The following KIR2DL1 variants were observed in gnomAD, a reference collection of about 807,000 sequenced individuals.
The protein encoded by KIR2DL1 is killer cell immunoglobulin-like receptor 2DL1.
In KIR2DL1, 38 loss-of-function variants were observed where a neutral mutation model predicts 33.9. The observed-to-expected ratio is 1.12, with a 90% CI of 0.86 to 1.47. The LOEUF (loss-of-function observed/expected upper bound fraction) is 1.47. Among genes scored for constraint, KIR2DL1 ranks in the 40% most tolerant of loss-of-function variants. The pLI, the probability that KIR2DL1 is intolerant of heterozygous loss-of-function variation, is 0.00. For synonymous variants in KIR2DL1, 179 were observed against 165.9 expected (o/e 1.08, Z -0.61); for missense variants, 531 against 433.9 (o/e 1.22, Z -1.99).
intron 2 of KIR2DL1, among the ~76,000 whole-genome samples, 182 bp downstream of exon 2, chr19:54,771,066 T>G (rs1440278329): frequency 2.0e-5 from 3 of 148,444 alleles, no homozygotes; most frequent in Non-Finnish European, 4.5e-5. Flanking sequence ...TCAAGTTCTG[T>G]GGGGACCAGG....
rs534359450 is a variant in KIR2DL1, at chr19:54,783,637, G to A, written c.871G>A (p.Asp291Asn). The change falls in exon 8 of 8, where the codon GAC (aspartate) becomes AAC (asparagine). Residue 291 changes from aspartate (D) to asparagine (N), a missense_variant and splice_region_variant. Physicochemically the swap from Asp to Asn is conservative, Grantham distance 23 (BLOSUM62 1). Transcript: ENST00000336077. ...SAGNRTANSE[D>N]SDEQDPQEVT... ...TCACTCAGCATTTCCCTCTCTCCAG[G>A]ACTCTGATGAACAAGACCCTCAGGA... 1.2e-6 allele frequency: 2 copies of A among 1,613,942 alleles called. No individual in the cohort carries two copies. Among genetic ancestry groups the A allele is most frequent in the African/African-American group, 2.7e-5 (2 of 74,998 alleles).
At chr19:54,774,966 G>A (rs1197101635) in intron 3 of KIR2DL1, among the ~76,000 whole-genome samples, 199 bp from the exon 4 acceptor site, 1 of 148,234 alleles carries the variant, frequency 6.7e-6, no homozygotes. Flanking sequence ...ATATCTAGAG[G>A]TGGGGAAGTG....
chr19:54,778,793 T>C lies in KIR2DL1; in HGVS notation c.715+131T>C, dbSNP rs2076643456. On this transcript the variant is annotated intron_variant, in intron 5 of 7. Coordinates refer to ENST00000336077, the MANE Select transcript of KIR2DL1 (RefSeq NM_014218.3). ...TCTTCCACCATCTCCGAACTCCAGA[T>C]ACTCCTACAGCGAAAGGGATCTGGG... 6 of 1,172,048 alleles carry C rather than the reference T, an allele frequency of 5.1e-6. No individual in the cohort carries two copies. In the South Asian group the frequency reaches 5.2e-5, roughly 10 times the overall value. The allele number at this position is 1,172,048 out of a possible 1,614,324, so 72.6% of individuals were successfully genotyped here. A position where few individuals can be genotyped will look rare whatever the true frequency, so the allele number is the denominator to read the frequency against.
chr19:54,782,391 C>T (rs998108313), intron 5 of KIR2DL1, among the ~76,000 whole-genome samples: 3 of 152,040 alleles, frequency 2.0e-5, no homozygotes, highest in Non-Finnish European at 4.4e-5. Context: ...GGAAGCATGG[C>T]ACCAGCATCT....
rs1416855277 is a variant in KIR2DL1 at position 54,769,806 on chromosome 19, C to T, written c.-45C>T. ...GCGCCAAATAACATCCTGTGCGCTG[C>T]TGAGCTGAGCTCGGTCGCGGCTGCC... On this transcript the variant is annotated 5_prime_UTR_variant, in exon 1 of 8. Transcript: ENST00000336077. The T allele has an allele frequency of 1.3e-6, 2 of 1,560,806 alleles. No homozygotes were observed. Among genetic ancestry groups the T allele is most frequent in the Non-Finnish European group, 1.8e-6 (2 of 1,140,326 alleles).
intron 5 of KIR2DL1, chr19:54,780,224 G>C (rs1406505686): frequency 4.2e-4 from 190 of 455,214 alleles, no homozygotes; most frequent in African/African-American, 8.9e-4. Context: ...ATCAATAATA[G>C]ATAATGCTGA....
chr19:54,780,569 G>T (rs1447708756), intron 5 of KIR2DL1, among the ~76,000 whole-genome samples: 1 of 144,542 alleles, frequency 6.9e-6, no homozygotes, highest in African/African-American at 2.6e-5. Context: ...TGATTAATAT[G>T]ACTGACATGA....
Position 54,773,603 on chromosome 19 carries a change from C to T in KIR2DL1, c.341C>T (p.Pro114Leu), listed in dbSNP as rs762099238. Residue 114 changes from proline (P) to leucine (L), a missense_variant, in exon 3 of 8, where the codon CCC becomes CTC. Pro to Leu is a moderately conservative substitution (Grantham distance 98). Transcript: ENST00000336077. Reference protein sequence around the residue: ...VTHSPYQVSAPSDPLDIVIIG... With the variant: ...VTHSPYQVSALSDPLDIVIIG... ...CACTCCCCCTATCAGGTGTCAGCTC[C>T]CAGTGACCCTCTGGACATCGTGATC... 9 of 1,577,890 alleles carry T rather than the reference C, an allele frequency of 5.7e-6. 2 individuals are homozygous for T. The highest frequency in any genetic ancestry group is 6.9e-6 in the Non-Finnish European group (8 of 1,151,690).
At chr19:54,781,459 CA>C (rs1380390098) in intron 5 of KIR2DL1, among the ~76,000 whole-genome samples, 1 of 150,720 alleles carries the variant, frequency 6.6e-6, no homozygotes, top group Non-Finnish European at 1.5e-5. Context: ...CCAAATCCCC[CA>C]CCTCACCCCT....
chr19:54,781,299 A>ATTAGGTTAGGT (rs1407256123), intron 5 of KIR2DL1, among the ~76,000 whole-genome samples: 1 of 148,788 alleles, frequency 6.7e-6, no homozygotes, highest in Non-Finnish European at 1.5e-5. Flanking sequence ...TATCTTATCC[A>ATTAGGTTAGGT]TTAGGCAATG....
chr19:54,781,500 G>C (rs1376537414), intron 5 of KIR2DL1, among the ~76,000 whole-genome samples: 1 of 150,406 alleles, frequency 6.6e-6, no homozygotes, highest in Non-Finnish European at 1.5e-5. Context: ...GATTCAGATA[G>C]ACCATGGGGA....
At chr19:54,782,156 C>T (rs995355366) in intron 5 of KIR2DL1, among the ~76,000 whole-genome samples, 9 of 151,936 alleles carry the variant, frequency 5.9e-5, no homozygotes, top group African/African-American at 2.2e-4. Context: ...GAAAGCAGCC[C>T]AGCCTGGGTT....
chr19:54,783,006 G>A lies in KIR2DL1; in HGVS notation c.800G>A (p.Trp267Ter), dbSNP rs2077205714. The A allele has an allele frequency of 6.2e-7, 1 of 1,613,358 alleles. No individual in the cohort carries two copies. Among genetic ancestry groups the A allele is most frequent in the African/African-American group, 1.3e-5 (1 of 74,812 alleles). Reference sequence around the variant, plus strand: ...CTCCTCTTCTTTCTCCTTCATCGCTGGTGCTCCAACAAAAAAAGTAAGTCT... The same window carrying A: ...CTCCTCTTCTTTCTCCTTCATCGCTAGTGCTCCAACAAAAAAAGTAAGTCT... ...FILLFFLLHR[W>*]CSNKKNAAVM... Residue 267 changes from tryptophan to a stop codon, truncating the protein, a stop_gained, in exon 6 of 8, where the codon TGG becomes TAG. Transcript: ENST00000336077. LOFTEE classifies it high-confidence loss of function.
chr19:54,782,123 T>C (rs2077033804), intron 5 of KIR2DL1, among the ~76,000 whole-genome samples: 1 of 152,032 alleles, frequency 6.6e-6, no homozygotes, highest in African/African-American at 2.4e-5. Context: ...TCACCCCATT[T>C]GCAGTGTAGC....
Position 54,784,019 on chromosome 19 carries a change from A to C in KIR2DL1, c.*206A>C. 1 of 826,600 alleles carries C rather than the reference A, an allele frequency of 1.2e-6. No individual in the cohort carries two copies. Among genetic ancestry groups the C allele is most frequent in the Non-Finnish European group, 1.9e-6 (1 of 518,980 alleles). The allele number at this position is 826,600 out of a possible 1,614,324, so 51.2% of individuals were successfully genotyped here. The stretch of plus-strand genomic sequence containing the variant: ...GGTCCCCACTGCCTGCTGGAGAAAA[A>C]ACACACTCCTTTGCTTAACCCACAG... On this transcript the variant is annotated 3_prime_UTR_variant, in exon 8 of 8. Transcript: ENST00000336077.
In KIR2DL1 at chr19:54,769,887, G is replaced by A. The variant is rs546244359; in HGVS notation, c.34+3G>A. 1.9e-6 allele frequency: 3 copies of A among 1,568,478 alleles called. No homozygotes were observed. The highest frequency in any genetic ancestry group is 8.7e-7 in the Non-Finnish European group (1 of 1,146,198). On this transcript the variant is annotated splice_donor_region_variant and intron_variant, in intron 1 of 7. Transcript: ENST00000336077. ...GGTCGTCAGCATGGCGTGTGTTGGT[G>A]AGTCCTGGAAAGCAATAGAGGGAGG...
chr19:54,776,461 A>C (rs1363926216), intron 4 of KIR2DL1, among the ~76,000 whole-genome samples: 1 of 146,250 alleles, frequency 6.8e-6, no homozygotes, highest in Admixed American at 7.0e-5. Context: ...CGTATGTACT[A>C]CATTCTCTCT....
chr19:54,776,998 T>C (rs1485396295), intron 4 of KIR2DL1, among the ~76,000 whole-genome samples: 4 of 151,502 alleles, frequency 2.6e-5, no homozygotes, highest in African/African-American at 9.7e-5. Context: ...TGTACTAATT[T>C]ACACTCCTCC....
chr19:54,775,760 C>A (rs1482396610), intron 4 of KIR2DL1, among the ~76,000 whole-genome samples: 1 of 148,918 alleles, frequency 6.7e-6, no homozygotes. Flanking sequence ...AGCCCCTCAA[C>A]CTTACCCATT....
Sources: gnomAD v4.1 joint callset for allele counts (sites outside exome capture counted in the v4.1 genomes callset) on GRCh38, gnomAD v4.1.1 for gene constraint, MANE v1.5 for transcripts, NCBI Gene and HGNC (gene_info 2026-07-23, HGNC 2026-07-21) for gene names.